Variants in NCOA4 observed in about 807,000 individuals in gnomAD.
NCOA4 encodes 70 kDa AR-activator.
NCOA4 carries 31 observed loss-of-function variants against 69.5 expected under a neutral mutation model. That is an observed-to-expected ratio of 0.45 (90% confidence interval 0.34 to 0.60). The LOEUF (loss-of-function observed/expected upper bound fraction) is 0.60, where lower values mean the gene tolerates loss of function less well. NCOA4 is among the 20% of genes least tolerant of loss of function. The pLI is 0.02. For synonymous variants in NCOA4, 228 were observed against 252.4 expected (o/e 0.90, Z 0.92); for missense variants, 600 against 719.2 (o/e 0.83, Z 1.90).
At chr10:46,007,439 C>T (rs1248555124) in intron 9 of NCOA4, among the ~76,000 whole-genome samples, 2 of 152,162 alleles carry the variant, frequency 1.3e-5, no homozygotes, top group Non-Finnish European at 2.9e-5. Flanking sequence ...AAGTTGGCTA[C>T]ACTCAACATT....
At chr10:46,025,281 T>G (rs1290690300) in intron 1 of NCOA4, among the ~76,000 whole-genome samples, 33 of 152,198 alleles carry the variant, frequency 2.2e-4, no homozygotes, top group African/African-American at 7.0e-4. Flanking sequence ...CAAATAGATC[T>G]GCCTTTTCAA....
At chr10:46,008,255 C>A (rs1590147645) in intron 9 of NCOA4, among the ~76,000 whole-genome samples, 1 of 152,168 alleles carries the variant, frequency 6.6e-6, no homozygotes, top group African/African-American at 2.4e-5. Flanking sequence ...CCCTAGCTAC[C>A]TAGGTTCCTC....
intron 1 of NCOA4, chr10:46,019,363 C>T (rs1839738237): frequency 1.0e-6 from 1 of 985,460 alleles, no homozygotes; most frequent in African/African-American, 1.7e-5. Flanking sequence ...ATTTGGAGAG[C>T]TGGAGCGTGA....
At chr10:46,024,176 C>G (rs1446648404) in intron 1 of NCOA4, among the ~76,000 whole-genome samples, 1 of 152,142 alleles carries the variant, frequency 6.6e-6, no homozygotes, top group African/African-American at 2.4e-5. Flanking sequence ...AAATTTCTCC[C>G]TAATTCCAAA....
chr10:46,024,425 G>C (rs557355191), intron 1 of NCOA4, among the ~76,000 whole-genome samples: 1 of 152,026 alleles, frequency 6.6e-6, no homozygotes, highest in East Asian at 1.9e-4. Flanking sequence ...CTTAACCAAC[G>C]GTCTCTGTTC....
Position 46,010,768 on chromosome 10 carries a change from C to A in NCOA4, c.1153G>T (p.Val385Phe). 1.2e-6 allele frequency: 2 copies of A among 1,613,924 alleles called. No homozygotes were observed. Among genetic ancestry groups the A allele is most frequent in the Non-Finnish European group, 1.7e-6 (2 of 1,179,860 alleles). Reference protein sequence around the residue: ...AKKPLSTPSMVTEDWLVQNHQ... With the variant: ...AKKPLSTPSMFTEDWLVQNHQ... ...TTCTGGACAAGCCAATCCTCTGTAA[C>A]CATGCTGGGGGTGGACAATGGTTTC... The change falls in exon 8 of 10, where the codon GTT becomes TTT. Residue 385 changes from valine (V) to phenylalanine (F), a missense_variant. Val to Phe is a conservative substitution (Grantham distance 50, BLOSUM62 -1). Coordinates refer to ENST00000581486, the MANE Select transcript of NCOA4 (RefSeq NM_001145263.2).
At chr10:46,022,682 G>GT (rs1201716222) in intron 1 of NCOA4, among the ~76,000 whole-genome samples, 1 of 152,020 alleles carries the variant, frequency 6.6e-6, no homozygotes, top group East Asian at 1.9e-4. Context: ...AGCCAGGATG[G>GT]TCTCGATCTC....
At position 46,010,835 on chromosome 10, in the gene NCOA4, G is replaced by A. The variant is rs1269563536; in HGVS notation, c.1086C>T (p.Asn362=). The change falls in exon 8 of 10, where the codon AAC becomes AAT. Residue 362 remains asparagine (N), a synonymous_variant. Coordinates refer to ENST00000581486, the MANE Select transcript of NCOA4 (RefSeq NM_001145263.2). The part of the protein sequence containing the change: ...GNQPKGVEIE[N]LGNLKCLNDH... ...CATTCAGGCACTTCAGATTGCCCAG[G>A]TTTTCAATCTCCACACCTTTGGGCT... 1 of 1,613,784 alleles carries A rather than the reference G, an allele frequency of 6.2e-7. No homozygotes were observed. The highest frequency in any genetic ancestry group is 8.5e-7 in the Non-Finnish European group (1 of 1,179,876).
rs1699494090 is a variant in NCOA4, at chr10:46,007,661, T to C, written c.1840-1064A>G. Among the ~76,000 whole-genome samples the C allele has an allele frequency of 2.8e-5, 4 of 144,936 alleles. No individual in the cohort carries two copies. In the South Asian group the frequency reaches 6.8e-4, roughly 25 times the overall value. Reference sequence around the variant, plus strand: ...AGGCAAGACCGCAGCAGAGCTATTATAGCACACTGCAGCCTTGACCTCCCA... The same window carrying C: ...AGGCAAGACCGCAGCAGAGCTATTACAGCACACTGCAGCCTTGACCTCCCA... On this transcript the variant is annotated intron_variant, in intron 9 of 9. Transcript: ENST00000581486.
chr10:46,019,143 T>C (rs1361304902), intron 1 of NCOA4, among the ~76,000 whole-genome samples: 1 of 152,234 alleles, frequency 6.6e-6, no homozygotes, highest in Non-Finnish European at 1.5e-5. Flanking sequence ...CATAATCATC[T>C]ATTAAAAAGA....
chr10:46,010,145 G>A, intron 8 of NCOA4, 78 bp downstream of exon 8: 1 of 1,490,940 alleles, frequency 6.7e-7, no homozygotes, highest in African/African-American at 1.4e-5. Context: ...TCCAGCCTGA[G>A]TGACAGAGAC....
chr10:46,027,373 C>T, intron 1 of NCOA4: 1 of 1,475,372 alleles, frequency 6.8e-7, no homozygotes, highest in Non-Finnish European at 9.3e-7. Context: ...AGAAGATAAG[C>T]TAAGGACAAT....
chr10:46,009,216 G>C (rs1228681902), intron 9 of NCOA4, 195 bp downstream of exon 9: 7 of 1,547,652 alleles, frequency 4.5e-6, no homozygotes, highest in Non-Finnish European at 4.4e-6. Context: ...AGTATGCCTA[G>C]TTAGTTAATA....
Position 46,010,547 on chromosome 10 carries a change from A to T in NCOA4, c.1374T>A (p.Asn458Lys). Reference protein sequence around the residue: ...PEPEKHKDSLNMWLCPRKEVI... With the variant: ...PEPEKHKDSLKMWLCPRKEVI... ...CTTCTTTTCTAGGACAGAGCCACATATTCAGGGAATCTTTATGCTTCTCAG... is the reference window on the plus strand; with the variant it reads ...CTTCTTTTCTAGGACAGAGCCACATTTTCAGGGAATCTTTATGCTTCTCAG... Residue 458 changes from asparagine to lysine, a missense_variant, in exon 8 of 10, where the codon AAT (asparagine) becomes AAA (lysine). Transcript: ENST00000581486. The T allele has an allele frequency of 6.2e-7, 1 of 1,614,150 alleles. No individual in the cohort carries two copies. Among genetic ancestry groups the T allele is most frequent in the Non-Finnish European group, 8.5e-7 (1 of 1,180,024 alleles).
At chr10:46,020,407 C>T (rs1422440712) in intron 1 of NCOA4, among the ~76,000 whole-genome samples, 6 of 152,152 alleles carry the variant, frequency 3.9e-5, no homozygotes, top group African/African-American at 1.4e-4. Context: ...ATATGTCTAC[C>T]GGCACTTAGC....
rs1478693448 is a variant in NCOA4 at position 46,012,829 on chromosome 10, C to CG, written c.714+53_714+54insC. ...GACACATAGTACTACTGATTAGTAA[C>CG]TAACTCCACCTACTGCTGTGTCTAC... On this transcript the variant is annotated intron_variant, in intron 7 of 9. Coordinates refer to ENST00000581486, the MANE Select transcript of NCOA4 (RefSeq NM_001145263.2). The CG allele has an allele frequency of 1.9e-6, 3 of 1,593,120 alleles. No individual in the cohort carries two copies. In the African/African-American group the frequency reaches 4.0e-5, roughly 21 times the overall value.
chr10:46,010,284 A>G lies in NCOA4; in HGVS notation c.1637T>C (p.Met546Thr). The G allele has an allele frequency of 6.2e-7, 1 of 1,613,980 alleles. No homozygotes were observed. Among genetic ancestry groups the G allele is most frequent in the Non-Finnish European group, 8.5e-7 (1 of 1,179,970 alleles). ...AGAAGATAACTGGCTGAGGTTGCCC[A>G]TCTTCTTTCCTGGCAGGACCCAGTC... Reference protein sequence around the residue: ...TADWVLPGKKMGNLSQLSSGE... With the variant: ...TADWVLPGKKTGNLSQLSSGE... The change falls in exon 8 of 10, where the codon ATG becomes ACG. Residue 546 changes from methionine to threonine, a missense_variant. Transcript: ENST00000581486.
At chr10:46,022,621 C>A (rs1234889540) in intron 1 of NCOA4, 6 of 324,564 alleles carry the variant, frequency 1.8e-5, no homozygotes, top group Admixed American at 4.2e-5. Context: ...CCCGCCGCCA[C>A]GCCCGGCTAA....
chr10:46,008,870 A>G (rs1839014537), intron 9 of NCOA4, among the ~76,000 whole-genome samples: 1 of 152,250 alleles, frequency 6.6e-6, no homozygotes, highest in Non-Finnish European at 1.5e-5. Context: ...AGCAGTAATC[A>G]ACATCAAGGC....
Sources: allele counts gnomAD v4.1 joint callset (sites outside exome capture counted in the v4.1 genomes callset), GRCh38; gene constraint gnomAD v4.1.1; transcripts MANE v1.5; gene names NCBI Gene and HGNC (gene_info 2026-07-23, HGNC 2026-07-21).